Variants in AK9 observed in about 807,000 individuals in gnomAD.
AK9 encodes adenylate kinase 9, also known as adenylate kinase domain containing 1.
AK9 carries 191 observed loss-of-function variants against 239.6 expected under a neutral mutation model. That is an observed-to-expected ratio of 0.80 (90% CI 0.71 to 0.90). AK9 has a LOEUF of 0.90. Ranked by LOEUF, AK9 falls within the 40% of genes least tolerant of loss-of-function variation. AK9 has a pLI of 0.00. For synonymous variants in AK9, 689 were observed against 721.0 expected (o/e 0.96, Z 0.71); for missense variants, 1,995 against 2,214.7 (o/e 0.90, Z 1.99).
chr6:109,659,470 T>G (rs568833625), intron 6 of AK9, 57 bp from the exon 7 acceptor site: 79 of 1,545,830 alleles, frequency 5.1e-5, no homozygotes, highest in Middle Eastern at 1.7e-4. Flanking sequence ...TTTAATTCCC[T>G]GTGTATTTAT....
intron 20 of AK9, among the ~76,000 whole-genome samples, chr6:109,576,993 G>T (rs567236341): frequency 6.6e-6 from 1 of 152,080 alleles, no homozygotes; most frequent in South Asian, 2.1e-4. Context: ...ACCACGCCCG[G>T]CTAATTTTTT....
intron 38 of AK9, among the ~76,000 whole-genome samples, chr6:109,496,181 T>C (rs773954721): frequency 1.3e-5 from 2 of 152,236 alleles, no homozygotes; most frequent in Non-Finnish European, 2.9e-5. Flanking sequence ...CAGATGTGGA[T>C]GTTTAGGAAT....
At chr6:109,603,980 C>T (rs1417923033) in intron 17 of AK9, among the ~76,000 whole-genome samples, 2 of 152,180 alleles carry the variant, frequency 1.3e-5, no homozygotes, top group Non-Finnish European at 2.9e-5. Flanking sequence ...CACAGCTTTG[C>T]TTGGCTAGGA....
chr6:109,600,155 C>T (rs1055183021), intron 17 of AK9, among the ~76,000 whole-genome samples: 1 of 152,056 alleles, frequency 6.6e-6, no homozygotes, highest in African/African-American at 2.4e-5. Context: ...TGTCTTGTGC[C>T]AGTTTTCAAA....
intron 21 of AK9, among the ~76,000 whole-genome samples, chr6:109,570,770 T>A (rs1483740462): frequency 1.3e-5 from 2 of 152,144 alleles, no homozygotes; most frequent in Non-Finnish European, 2.9e-5. Flanking sequence ...GAAAAAGGAA[T>A]CTGAAGCAAT....
intron 5 of AK9, among the ~76,000 whole-genome samples, chr6:109,666,400 C>T (rs1312404402): frequency 6.6e-6 from 1 of 152,152 alleles, no homozygotes; most frequent in East Asian, 1.9e-4. Flanking sequence ...CTCCTCGCTC[C>T]CACCCCACAT....
intron 17 of AK9, among the ~76,000 whole-genome samples, chr6:109,598,165 C>T (rs1791323988): frequency 6.6e-6 from 1 of 152,020 alleles, no homozygotes; most frequent in African/African-American, 2.4e-5. Context: ...TGCTGGTGTG[C>T]TGCACCCATT....
chr6:109,550,022 TG>T, intron 25 of AK9, 67 bp downstream of exon 25: 1 of 1,445,162 alleles, frequency 6.9e-7, no homozygotes, highest in Admixed American at 1.9e-5. Context: ...AGTAAATTGA[TG>T]GTGATTGGTA....
chr6:109,509,218 A>C lies in AK9; in HGVS notation c.4442T>G (p.Leu1481Ter), dbSNP rs1778428471. Reference sequence around the variant, plus strand: ...CACACTTTCCATCAGAGAAAGTTCTAAGGCTTGAATAGCCAGTTCATCAGG... The same window carrying C: ...CACACTTTCCATCAGAGAAAGTTCTCAGGCTTGAATAGCCAGTTCATCAGG... ...TAPDELAIQA[L>*]ELSLMESVCN... The change falls in exon 33 of 41, where the codon TTA (leucine) becomes TGA (stop). Residue 1481 changes from leucine (L) to a stop codon, truncating the protein, a stop_gained. Coordinates refer to ENST00000424296, the MANE Select transcript of AK9 (RefSeq NM_001145128.3). LOFTEE classifies it high-confidence loss of function. The C allele has an allele frequency of 6.4e-7, 1 of 1,552,090 alleles. No homozygotes were observed. Among genetic ancestry groups the C allele is most frequent in the African/African-American group, 1.4e-5 (1 of 73,052 alleles).
chr6:109,542,161 A>G lies in AK9; in HGVS notation c.3236T>C (p.Val1079Ala), dbSNP rs1371903443. The G allele has an allele frequency of 1.3e-6, 2 of 1,590,914 alleles. No individual in the cohort carries two copies. Among genetic ancestry groups the G allele is most frequent in the African/African-American group, 2.7e-5 (2 of 73,414 alleles). The stretch of plus-strand genomic sequence containing the variant: ...TACTTCTTCTTCTTCTGTAAGTTGT[A>G]CTTCTGGAAGCTAAAAACAAAAATC... ...EENTKKQLPEVQLTEEEEVIK... is the reference protein window; with the variant it reads ...EENTKKQLPEAQLTEEEEVIK... Residue 1079 changes from valine (V) to alanine (A), a missense_variant, in exon 27 of 41, where the codon GTA (valine) becomes GCA (alanine). Around this residue, in one of 5 missense-constraint regions of AK9, gnomAD observed 1,290 missense variants for 1,392.7 expected, o/e 0.93. Transcript: ENST00000424296.
chr6:109,629,823 C>T (rs574178638), intron 12 of AK9, among the ~76,000 whole-genome samples: 4 of 151,784 alleles, frequency 2.6e-5, no homozygotes, highest in Admixed American at 6.6e-5. Context: ...TTAGTAGAGA[C>T]GGGGTTTCAC....
chr6:109,518,814 A>T (rs1490550016), intron 29 of AK9, among the ~76,000 whole-genome samples: 1 of 152,106 alleles, frequency 6.6e-6, no homozygotes, highest in African/African-American at 2.4e-5. Flanking sequence ...GAATTAAAAA[A>T]AATTTCAGCT....
At chr6:109,684,657 G>A (rs1335778239) in intron 1 of AK9, among the ~76,000 whole-genome samples, 2 of 149,004 alleles carry the variant, frequency 1.3e-5, no homozygotes, top group Non-Finnish European at 3.0e-5. Flanking sequence ...GGCGGATCAC[G>A]AGGTCAGGAG....
chr6:109,679,520 C>T (rs757806077), intron 1 of AK9, among the ~76,000 whole-genome samples: 9 of 152,190 alleles, frequency 5.9e-5, no homozygotes, highest in Admixed American at 1.3e-4. Context: ...GGTGGCTGTG[C>T]GCACAGCTTC....
At chr6:109,525,614 A>C (rs1374679361) in intron 29 of AK9, among the ~76,000 whole-genome samples, 1 of 152,214 alleles carries the variant, frequency 6.6e-6, no homozygotes, top group Non-Finnish European at 1.5e-5. Flanking sequence ...GTGGTGTCTT[A>C]TCTCATGCCA....
intron 12 of AK9, among the ~76,000 whole-genome samples, chr6:109,620,773 T>C (rs1483931754): frequency 6.6e-6 from 1 of 151,500 alleles, no homozygotes; most frequent in African/African-American, 2.4e-5. Flanking sequence ...ATACACATAA[T>C]AGTATACACA....
intron 19 of AK9, among the ~76,000 whole-genome samples, chr6:109,580,820 T>G (rs917925891): frequency 6.6e-6 from 1 of 152,184 alleles, no homozygotes; most frequent in Non-Finnish European, 1.5e-5. Flanking sequence ...CTTTCCCATT[T>G]TGTCTGTGTG....
At chr6:109,622,095 T>C (rs1794928427) in intron 12 of AK9, among the ~76,000 whole-genome samples, 1 of 147,126 alleles carries the variant, frequency 6.8e-6, no homozygotes, top group African/African-American at 2.5e-5. Context: ...GTATTATATA[T>C]TGTATATATT....
At chr6:109,597,528 C>A (rs1238500912) in intron 17 of AK9, among the ~76,000 whole-genome samples, 3 of 151,964 alleles carry the variant, frequency 2.0e-5, no homozygotes, top group Non-Finnish European at 4.4e-5. Context: ...AAAAAATTAG[C>A]CAGGTGTGGT....
Sources: gnomAD v4.1 joint callset for allele counts (sites outside exome capture counted in the v4.1 genomes callset) on GRCh38, gnomAD v4.1.1 for gene constraint, gnomAD v4.1.1 regional missense constraint, MANE v1.5 for transcripts, NCBI Gene and HGNC (gene_info 2026-07-23, HGNC 2026-07-21) for gene names.